RASGEF1C: variants seen among roughly 807,000 people sequenced by gnomAD.
RASGEF1C encodes the protein ras-GEF domain-containing family member 1C.
A neutral mutation model predicts 58.1 loss-of-function variants in RASGEF1C; 27 were observed. That is an observed-to-expected ratio of 0.46 (90% CI 0.34 to 0.64). The LOEUF (loss-of-function observed/expected upper bound fraction) is 0.64, where lower values mean the gene tolerates loss of function less well. Among genes scored for constraint, RASGEF1C ranks in the 30% least tolerant of loss-of-function variants. RASGEF1C has a pLI of 0.01. For synonymous variants in RASGEF1C, 243 were observed against 246.3 expected (o/e 0.99, Z 0.13); for missense variants, 502 against 605.1 (o/e 0.83, Z 1.79).
intron 1 of RASGEF1C, among the ~76,000 whole-genome samples, chr5:180,167,832 T>C (rs1767044064): frequency 6.6e-6 from 1 of 152,240 alleles, no homozygotes; most frequent in African/African-American, 2.4e-5. Flanking sequence ...ATTCTGGGTC[T>C]TGTTTAAATC....
intron 12 of RASGEF1C, among the ~76,000 whole-genome samples, chr5:180,105,819 G>T (rs1765867269): frequency 2.6e-5 from 4 of 152,018 alleles, no homozygotes; most frequent in Admixed American, 6.5e-5. Flanking sequence ...AGTGAGCCGA[G>T]ATCGTGCCAC....
At chr5:180,109,252 T>C (rs564756688) in intron 12 of RASGEF1C, among the ~76,000 whole-genome samples, 25 of 151,918 alleles carry the variant, frequency 1.6e-4, no homozygotes, top group East Asian at 9.7e-4. Flanking sequence ...GTCAGGAGAT[T>C]GAGACCATCC....
chr5:180,204,246 G>C (rs928342571), intron 1 of RASGEF1C, among the ~76,000 whole-genome samples: 3 of 152,176 alleles, frequency 2.0e-5, no homozygotes, highest in Non-Finnish European at 2.9e-5. Flanking sequence ...ATGAGCATTT[G>C]TGTACAAGTC....
Position 180,156,808 on chromosome 5 carries a change from T to C in RASGEF1C, c.-6-18750A>G, listed in dbSNP as rs574493218. ...AAATAAAATAAAACATACAAAGAAA[T>C]CTTACAACTTAATAATAAGAAAACA... On this transcript the variant is annotated intron_variant, in intron 1 of 13. Transcript: ENST00000361132. This position sits in a 1 kb window ranked among gnomAD's most constrained non-coding sequence, Gnocchi z 4.9. Among the ~76,000 whole-genome samples the C allele has an allele frequency of 6.6e-6, 1 of 151,844 alleles. No homozygotes were observed. Among genetic ancestry groups the C allele is most frequent in the Non-Finnish European group, 1.5e-5 (1 of 67,944 alleles).
chr5:180,141,902 G>A (rs561304906), intron 1 of RASGEF1C, among the ~76,000 whole-genome samples: 20 of 151,928 alleles, frequency 1.3e-4, no homozygotes, highest in Non-Finnish European at 2.2e-4. Flanking sequence ...TAGAGACGGG[G>A]TTTCACCATG....
Position 180,113,734 on chromosome 5 carries a change from C to T in RASGEF1C, c.1179+712G>A, listed in dbSNP as rs188787197. ...GATGGATGGAGGGATCCGGGCTGGACGGAGGGACCGGGGATGGACGGAGGG... is the reference window on the plus strand; with the variant it reads ...GATGGATGGAGGGATCCGGGCTGGATGGAGGGACCGGGGATGGACGGAGGG... On this transcript the variant is annotated intron_variant, in intron 11 of 13. Transcript: ENST00000361132. 3.2e-3 allele frequency among the ~76,000 whole-genome samples: 448 copies of T among 139,266 alleles called. 6 individuals are homozygous for T. Among genetic ancestry groups the T allele is most frequent in the African/African-American group, 0.011 (418 of 36,608 alleles). 91.4% of individuals were successfully genotyped at this position (139,266 alleles called of 152,430 possible).
Position 180,138,042 on chromosome 5 carries a change from G to A in RASGEF1C, c.11C>T (p.Thr4Met), listed in dbSNP as rs752915960. 3.3e-6 allele frequency: 5 copies of A among 1,508,164 alleles called. No individual in the cohort carries two copies. The highest frequency in any genetic ancestry group is 1.4e-5 in the African/African-American group (1 of 70,256). 93.4% of individuals were successfully genotyped at this position (1,508,164 alleles called of 1,614,324 possible). A position where few individuals can be genotyped will look rare whatever the true frequency, so the allele number is the denominator to read the frequency against. Residue 4 changes from threonine (T) to methionine (M), a missense_variant, in exon 2 of 14, where the codon ACG (threonine) becomes ATG (methionine). Thr to Met is a moderately conservative substitution (Grantham distance 81, BLOSUM62 -1). Transcript: ENST00000361132. ...GGTGACCATGTCGGAGGCACTCAGC[G>A]TCTGTGGCATGTCTGCCTGCAATGG... The part of the protein sequence containing the change: MPQ[T>M]LSASDMVTPG...
At chr5:180,149,043 C>A (rs1766704445) in intron 1 of RASGEF1C, among the ~76,000 whole-genome samples, 1 of 150,784 alleles carries the variant, frequency 6.6e-6, no homozygotes, top group South Asian at 2.1e-4. Flanking sequence ...CGATTGCCTT[C>A]TGGCCTCTAA....
chr5:180,106,367 A>G (rs1378464327), intron 12 of RASGEF1C, among the ~76,000 whole-genome samples: 1 of 152,144 alleles, frequency 6.6e-6, no homozygotes, highest in African/African-American at 2.4e-5. Flanking sequence ...TTCTTGATGT[A>G]GGAACTTAGA....
In RASGEF1C at chr5:180,156,038, T is replaced by C. The variant is rs1413129814; in HGVS notation, c.-6-17980A>G. On this transcript the variant is annotated intron_variant, in intron 1 of 13. Coordinates refer to ENST00000361132, the MANE Select transcript of RASGEF1C (RefSeq NM_175062.4). The surrounding 1 kb of genome is among the most constrained non-coding windows in gnomAD (Gnocchi z 4.9). Reference sequence around the variant, plus strand: ...CATCTGTTCCCAGGACCCAGGCTAATAAAAAGAGCGTTACCAGTACCTTAA... The same window carrying C: ...CATCTGTTCCCAGGACCCAGGCTAACAAAAAGAGCGTTACCAGTACCTTAA... 6.6e-6 allele frequency among the ~76,000 whole-genome samples: 1 copy of C among 152,110 alleles called. No individual in the cohort carries two copies. Among genetic ancestry groups the C allele is most frequent in the East Asian group, 1.9e-4 (1 of 5,184 alleles).
chr5:180,136,506 G>T lies in RASGEF1C; in HGVS notation c.310C>A (p.Arg104=). The change falls in exon 4 of 14, where the codon CGG becomes AGG. Residue 104 remains arginine (R), a synonymous_variant. Transcript: ENST00000361132. The part of the protein sequence containing the change: ...DKPVLDKARV[R]KFGPKLLQLL... ...TGCAGCAGTTTGGGGCCGAACTTCC[G>T]GACCCGGGCCTACGGGCAAGCGAGG... 1 of 1,570,996 alleles carries T rather than the reference G, an allele frequency of 6.4e-7. No individual in the cohort carries two copies. The highest frequency in any genetic ancestry group is 2.3e-5 in the East Asian group (1 of 42,856).
chr5:180,159,284 C>T (rs1327889100), intron 1 of RASGEF1C, among the ~76,000 whole-genome samples: 3 of 151,874 alleles, frequency 2.0e-5, no homozygotes, highest in Non-Finnish European at 2.9e-5. Context: ...GGAGTACAGG[C>T]GTGCACCACC....
intron 1 of RASGEF1C, among the ~76,000 whole-genome samples, chr5:180,152,154 A>G (rs1042584853): frequency 1.7e-4 from 26 of 152,172 alleles, no homozygotes; most frequent in Middle Eastern, 3.4e-3. Context: ...TGTGGAAGTC[A>G]GTGTGGCGAT....
At chr5:180,167,064 G>C (rs979481368) in intron 1 of RASGEF1C, among the ~76,000 whole-genome samples, 8 of 152,134 alleles carry the variant, frequency 5.3e-5, no homozygotes, top group African/African-American at 1.9e-4. Context: ...TATTCTGCTT[G>C]AGATTCATCC....
chr5:180,193,456 G>A (rs1461608551), intron 1 of RASGEF1C, among the ~76,000 whole-genome samples: 1 of 152,162 alleles, frequency 6.6e-6, no homozygotes, highest in Non-Finnish European at 1.5e-5. Context: ...GGACAGAGCT[G>A]CTACAGATCT....
rs756629087 is a variant in RASGEF1C, at chr5:180,137,600, A to G, written c.290T>C (p.Val97Ala). The G allele has an allele frequency of 6.2e-7, 1 of 1,605,032 alleles. No individual in the cohort carries two copies. Among genetic ancestry groups the G allele is most frequent in the Non-Finnish European group, 8.5e-7 (1 of 1,177,680 alleles). Residue 97 changes from valine to alanine, a missense_variant, in exon 3 of 14, where the codon GTG becomes GCG. Coordinates refer to ENST00000361132, the MANE Select transcript of RASGEF1C (RefSeq NM_175062.4). The surrounding 1 kb of genome is among the most constrained non-coding windows in gnomAD (Gnocchi z 4.1). ...CIEQQQLDKP[V>A]LDKARVRKFG... ...TGCCCTCCGCCTCACCTTGTCCAGCACCGGCTTGTCCAGCTGCTGCTGCTC... is the reference window on the plus strand; with the variant it reads ...TGCCCTCCGCCTCACCTTGTCCAGCGCCGGCTTGTCCAGCTGCTGCTGCTC...
rs182067234 is a variant in RASGEF1C at position 180,129,526 on chromosome 5, C to T, written c.439-916G>A. 2.2e-4 allele frequency among the ~76,000 whole-genome samples: 34 copies of T among 152,310 alleles called. 1 individual carries two copies. The East Asian group carries it at 5.6e-3, about 25-fold the overall frequency. ...CTGGCTGAGGCCCCCCCAGAGCAAT[C>T]GGAGCCCCCAGACCCTCACAGCCAG... On this transcript the variant is annotated intron_variant, in intron 4 of 13. Coordinates refer to ENST00000361132, the MANE Select transcript of RASGEF1C (RefSeq NM_175062.4).
intron 6 of RASGEF1C, 59 bp from the exon 7 acceptor site, chr5:180,121,208 G>C (rs942801834): frequency 1.5e-5 from 18 of 1,183,712 alleles, no homozygotes; most frequent in Non-Finnish European, 2.0e-5. Context: ...TCATCTTTTA[G>C]AGCATGAAGT....
intron 1 of RASGEF1C, among the ~76,000 whole-genome samples, chr5:180,204,929 C>A (rs1047260302): frequency 2.0e-4 from 31 of 152,262 alleles, no homozygotes; most frequent in African/African-American, 7.5e-4. Context: ...GTGGCTCATG[C>A]CTGTAATCCC....
Sources: allele counts gnomAD v4.1 joint callset (sites outside exome capture counted in the v4.1 genomes callset), GRCh38; gene constraint gnomAD v4.1.1; non-coding constraint Gnocchi (gnomAD v3.1); transcripts MANE v1.5; gene names NCBI Gene and HGNC (gene_info 2026-07-23, HGNC 2026-07-21).